Variants in SS18L1 observed in about 807,000 individuals in gnomAD.
The protein encoded by SS18L1 is calcium-responsive transactivator.
A neutral mutation model predicts 70.3 loss-of-function variants in SS18L1; 32 were observed. The observed-to-expected ratio is 0.46, with a 90% CI of 0.34 to 0.61. The LOEUF (loss-of-function observed/expected upper bound fraction) is 0.61, where lower values mean the gene tolerates loss of function less well. Ranked by LOEUF, SS18L1 falls within the 20% of genes least tolerant of loss-of-function variation. The pLI is 0.01. For synonymous variants in SS18L1, 237 were observed against 229.7 expected (o/e 1.03, Z -0.29); for missense variants, 430 against 542.1 (o/e 0.79, Z 2.05).
At position 62,161,601 on chromosome 20, in the gene SS18L1, G is replaced by C. The variant is rs766454852; in HGVS notation, c.376+21G>C. ...CAACGGTGAGTGCGGCGGGGGAGGA[G>C]GACGTTCCTGGCTACGAGGCCACCA... On this transcript the variant is annotated intron_variant, in intron 4 of 10. Coordinates refer to ENST00000331758, the MANE Select transcript of SS18L1 (RefSeq NM_198935.3). This position sits in a 1 kb window ranked among gnomAD's most constrained non-coding sequence, Gnocchi z 4.4. 6.3e-7 allele frequency: 1 copy of C among 1,593,478 alleles called. No individual in the cohort carries two copies. The highest frequency in any genetic ancestry group is 2.3e-5 in the East Asian group (1 of 44,294).
chr20:62,167,094 G>A (rs1371407333), intron 8 of SS18L1, among the ~76,000 whole-genome samples: 22 of 130,260 alleles, frequency 1.7e-4, no homozygotes, highest in Non-Finnish European at 9.3e-5. Context: ...CGCCGAGGCT[G>A]GAGTGCAGTG....
intron 8 of SS18L1, among the ~76,000 whole-genome samples, chr20:62,172,129 A>C (rs932096775): frequency 6.6e-6 from 1 of 151,048 alleles, no homozygotes; most frequent in Non-Finnish European, 1.5e-5. Context: ...TCGCCACTGC[A>C]CTCCAGCCTG....
chr20:62,180,019 A>G lies in SS18L1; in HGVS notation c.*811A>G. On this transcript the variant is annotated 3_prime_UTR_variant, in exon 11 of 11. Coordinates refer to ENST00000331758, the MANE Select transcript of SS18L1 (RefSeq NM_198935.3). ...TCTGGGAAGTGGGCCCTCAGAGATT[A>G]CTCTGGCTTTGACCCTTGTTTAGCT... is the stretch of plus-strand genomic sequence containing the variant. The G allele has an allele frequency of 4.5e-6, 1 of 220,382 alleles. No homozygotes were observed. The highest frequency in any genetic ancestry group is 9.1e-6 in the Non-Finnish European group (1 of 110,106). 13.7% of individuals were successfully genotyped at this position (220,382 alleles called of 1,614,324 possible).
intron 8 of SS18L1, among the ~76,000 whole-genome samples, chr20:62,171,816 C>T (rs996755925): frequency 1.3e-5 from 2 of 152,102 alleles, no homozygotes; most frequent in African/African-American, 4.8e-5. Context: ...GCCAAGAGTT[C>T]GAGACCAGCC....
intron 10 of SS18L1, 80 bp from the exon 11 acceptor site, chr20:62,179,102 C>T: frequency 2.6e-6 from 4 of 1,519,320 alleles, no homozygotes; most frequent in South Asian, 2.3e-5. Context: ...CCTCCTACCC[C>T]CTGTCCGGGC....
chr20:62,166,863 T>G (rs2057441115), intron 8 of SS18L1, among the ~76,000 whole-genome samples: 1 of 150,348 alleles, frequency 6.7e-6, no homozygotes, highest in Non-Finnish European at 1.5e-5. Flanking sequence ...AGGTGTAGGT[T>G]GCAGTGAGCT....
At chr20:62,150,891 C>A (rs1377880262) in intron 1 of SS18L1, among the ~76,000 whole-genome samples, 1 of 151,994 alleles carries the variant, frequency 6.6e-6, no homozygotes, top group Non-Finnish European at 1.5e-5. Context: ...AGGCTCCATG[C>A]CAGACGCTTC....
In SS18L1 at chr20:62,159,948, C is replaced by CT; in HGVS notation, c.218_219insT (p.Leu74ProfsTer34). 1 of 1,611,900 alleles carries CT rather than the reference C, an allele frequency of 6.2e-7. No individual in the cohort carries two copies. The highest frequency in any genetic ancestry group is 8.5e-7 in the Non-Finnish European group (1 of 1,179,724). ...GCAGACTCCAACCAGAACATGCAGT[C>CT]CCTGCTTCCTGCCGTGAGTACCCAC... On this transcript the variant is annotated frameshift_variant, in exon 3 of 11. Transcript: ENST00000331758. LOFTEE classifies it high-confidence loss of function. The surrounding 1 kb of genome is among the most constrained non-coding windows in gnomAD (Gnocchi z 4.4).
At position 62,159,762 on chromosome 20, in the gene SS18L1, C is replaced by T; in HGVS notation, c.147-115C>T. The T allele has an allele frequency of 9.9e-7, 1 of 1,007,744 alleles. No homozygotes were observed. Among genetic ancestry groups the T allele is most frequent in the Non-Finnish European group, 1.5e-6 (1 of 686,046 alleles). The allele number at this position is 1,007,744 out of a possible 1,614,324, so 62.4% of individuals were successfully genotyped here. ...GGGTGTCATCTGGGGTCCATGTCCT[C>T]ATGGGGTTTGGCTGGATGTCAGGCT... On this transcript the variant is annotated intron_variant, in intron 2 of 10. Transcript: ENST00000331758. The surrounding 1 kb of genome is among the most constrained non-coding windows in gnomAD (Gnocchi z 4.4).
chr20:62,162,956 CG>C (rs777666950), intron 5 of SS18L1, 25 bp downstream of exon 5: 1 of 1,608,648 alleles, frequency 6.2e-7, no homozygotes. Context: ...TCTGCAACCC[CG>C]GGGGGCCTGG....
intron 1 of SS18L1, among the ~76,000 whole-genome samples, chr20:62,153,164 G>A (rs2057164640): frequency 6.6e-6 from 1 of 152,212 alleles, no homozygotes; most frequent in South Asian, 2.1e-4. Context: ...GATGCCAGGT[G>A]CTTGTAAAAC....
chr20:62,153,142 G>T (rs927588), intron 1 of SS18L1, among the ~76,000 whole-genome samples: 2 of 152,198 alleles, frequency 1.3e-5, no homozygotes, highest in African/African-American at 4.8e-5. Context: ...AAGGAGAAGC[G>T]CAAGCAGGGG....
chr20:62,159,972 AC>A lies in SS18L1; in HGVS notation c.231+12del. On this transcript the variant is annotated intron_variant, in intron 3 of 10. Coordinates refer to ENST00000331758, the MANE Select transcript of SS18L1 (RefSeq NM_198935.3). This position sits in a 1 kb window ranked among gnomAD's most constrained non-coding sequence, Gnocchi z 4.4. ...TCCCTGCTTCCTGCCGTGAGTACCC[AC>A]GGGGGGTTGGCCTCCTTTACCCAGC... 6.2e-7 allele frequency: 1 copy of A among 1,608,736 alleles called. No individual in the cohort carries two copies. The highest frequency in any genetic ancestry group is 8.5e-7 in the Non-Finnish European group (1 of 1,178,564).
chr20:62,144,479 C>G (rs749067084), intron 1 of SS18L1, among the ~76,000 whole-genome samples: 96 of 152,232 alleles, frequency 6.3e-4, no homozygotes, highest in Non-Finnish European at 1.1e-3. Flanking sequence ...AGGACGCGTC[C>G]CGATCCCCAT....
intron 1 of SS18L1, among the ~76,000 whole-genome samples, chr20:62,153,294 C>T (rs962864456): frequency 6.6e-6 from 1 of 152,174 alleles, no homozygotes; most frequent in Admixed American, 6.5e-5. Flanking sequence ...ATGGGAACTA[C>T]AATTGAAGAT....
chr20:62,143,826 C>T lies in SS18L1; in HGVS notation c.6C>T (p.Ser2=). The T allele has an allele frequency of 1.1e-5, 15 of 1,343,900 alleles. No individual in the cohort carries two copies. The highest frequency in any genetic ancestry group is 1.4e-5 in the Non-Finnish European group (14 of 1,017,772). The allele number at this position is 1,343,900 out of a possible 1,614,324, so 83.2% of individuals were successfully genotyped here. The part of the protein sequence containing the change: M[S]VAFASARPRG... ...CTGAGCCCCGCGCCGCCACCATGTC[C>T]GTGGCCTTCGCGTCTGCCCGGCCAA... The change falls in exon 1 of 11, where the codon TCC becomes TCT. Residue 2 remains serine (S), a synonymous_variant. Transcript: ENST00000331758.
At chr20:62,170,652 G>C (rs1229802298) in intron 8 of SS18L1, among the ~76,000 whole-genome samples, 2 of 152,248 alleles carry the variant, frequency 1.3e-5, no homozygotes, top group Non-Finnish European at 2.9e-5. Flanking sequence ...AACGGCAAAG[G>C]CCTTTTCCAC....
intron 1 of SS18L1, among the ~76,000 whole-genome samples, chr20:62,144,406 G>T (rs1048990934): frequency 1.3e-5 from 2 of 152,242 alleles, no homozygotes; most frequent in Non-Finnish European, 2.9e-5. Flanking sequence ...TGCGACCGCG[G>T]GGACTGTGGC....
chr20:62,163,590 G>A lies in SS18L1; in HGVS notation c.689G>A (p.Arg230Gln), dbSNP rs751380354. 10 of 1,604,684 alleles carry A rather than the reference G, an allele frequency of 6.2e-6. No individual in the cohort carries two copies. In the Admixed American group the frequency reaches 6.7e-5, roughly 11 times the overall value. Residue 230 changes from arginine (R) to glutamine (Q), a missense_variant, in exon 6 of 11, where the codon CGG (arginine) becomes CAG (glutamine). By Grantham distance (43) the Arg-to-Gln change is conservative. Transcript: ENST00000331758. ...CAGGGGAGCAGCATGATGGGGCAGC[G>A]GCCCATGGCGCCCTACCGGCCCTCC... is the stretch of plus-strand genomic sequence containing the variant. ...GSQGSSMMGQ[R>Q]PMAPYRPSQQ... is the part of the protein sequence containing the mutation.
Sources: allele counts gnomAD v4.1 joint callset (sites outside exome capture counted in the v4.1 genomes callset), GRCh38; gene constraint gnomAD v4.1.1; non-coding constraint Gnocchi (gnomAD v3.1); transcripts MANE v1.5; gene names NCBI Gene and HGNC (gene_info 2026-07-23, HGNC 2026-07-21).